Variants in CSMD1 observed in about 807,000 individuals in gnomAD.
The protein encoded by CSMD1 is CUB and sushi domain-containing protein 1.
A neutral mutation model predicts 417.5 loss-of-function variants in CSMD1; 213 were observed. The observed-to-expected ratio is 0.51, with a 90% confidence interval of 0.46 to 0.57. CSMD1 has a LOEUF of 0.57. Ranked by LOEUF, CSMD1 falls within the 20% of genes least tolerant of loss-of-function variation. The pLI is 0.00. For synonymous variants in CSMD1, 2,862 were observed against 1,736.8 expected (o/e 1.65, Z -16.11); for missense variants, 6,923 against 4,529.7 (o/e 1.53, Z -15.17).
At chr8:4,780,899 T>TCATTCC (rs1797120630) in intron 1 of CSMD1, among the ~76,000 whole-genome samples, 1 of 152,224 alleles carries the variant, frequency 6.6e-6, no homozygotes, top group Non-Finnish European at 1.5e-5. Context: ...CGCTGTTCAT[T>TCATTCC]CATTCCTTAT....
intron 1 of CSMD1, among the ~76,000 whole-genome samples, chr8:4,696,318 C>T (rs1807131262): frequency 6.6e-6 from 1 of 152,160 alleles, no homozygotes. Context: ...GTAGCAATAA[C>T]TTTCAAAGAC....
intron 2 of CSMD1, among the ~76,000 whole-genome samples, chr8:4,428,375 C>G (rs1400923891): frequency 4.6e-5 from 7 of 152,150 alleles, no homozygotes. Context: ...TTCTAGGTAG[C>G]TTGTTATCTT....
intron 15 of CSMD1, among the ~76,000 whole-genome samples, chr8:3,404,714 C>A (rs989791969): frequency 6.6e-6 from 1 of 151,986 alleles, no homozygotes; most frequent in Non-Finnish European, 1.5e-5. Flanking sequence ...TGGTGTGTAG[C>A]CTTTTTTTAG....
chr8:4,043,918 C>A (rs1798019004), intron 3 of CSMD1, among the ~76,000 whole-genome samples: 1 of 152,042 alleles, frequency 6.6e-6, no homozygotes, highest in African/African-American at 2.4e-5. Flanking sequence ...TCTGTATAGA[C>A]CTATGATATT....
At chr8:4,051,879 T>TTCCTTCCTTCCTTCCTTC (rs1563058796) in intron 3 of CSMD1, among the ~76,000 whole-genome samples, 1 of 61,872 alleles carries the variant, frequency 1.6e-5, no homozygotes, top group African/African-American at 4.5e-5. Context: ...CTTCCTCCTT[T>TTCCTTCCTTCCTTCCTTC]CTTCCTTCCT....
intron 36 of CSMD1, among the ~76,000 whole-genome samples, chr8:3,184,736 T>C (rs952789371): frequency 2.5e-4 from 38 of 152,228 alleles, no homozygotes; most frequent in Non-Finnish European, 5.9e-5. Flanking sequence ...ATTTAATCTT[T>C]ACCATGGCTG....
At chr8:4,246,507 T>A (rs1358936166) in intron 3 of CSMD1, among the ~76,000 whole-genome samples, 2 of 152,192 alleles carry the variant, frequency 1.3e-5, no homozygotes, top group East Asian at 3.9e-4. Context: ...AAGAAAATTG[T>A]AAGACCCTTG....
At chr8:2,994,763 T>G (rs2128950832) in intron 54 of CSMD1, among the ~76,000 whole-genome samples, 1 of 152,330 alleles carries the variant, frequency 6.6e-6, no homozygotes, top group South Asian at 2.1e-4. Flanking sequence ...TTTTAATTTT[T>G]TTATTTTGGG....
At chr8:4,008,723 G>A (rs1277889544) in intron 4 of CSMD1, among the ~76,000 whole-genome samples, 1 of 142,772 alleles carries the variant, frequency 7.0e-6, no homozygotes, top group Non-Finnish European at 1.5e-5. Context: ...TCATTCTCCT[G>A]CCTCAGCCTC....
chr8:4,346,910 A>G lies in CSMD1; in HGVS notation c.415+73043T>C, dbSNP rs117487310. The stretch of plus-strand genomic sequence containing the variant: ...GATTGTAAAACCTGGCTGGACCTCA[A>G]TCTTTTCCTCAAATACTAATTTGAA... On this transcript the variant is annotated intron_variant, in intron 3 of 69. Transcript: ENST00000635120. Among the ~76,000 whole-genome samples the G allele has an allele frequency of 1.6e-3, 249 of 152,272 alleles. 3 individuals carry two copies. The East Asian group carries it at 0.042, about 25-fold the overall frequency.
intron 5 of CSMD1, among the ~76,000 whole-genome samples, chr8:3,962,417 C>T (rs1209528085): frequency 6.6e-6 from 1 of 152,184 alleles, no homozygotes; most frequent in East Asian, 1.9e-4. Context: ...TCAAGGTCTA[C>T]CACCCTCACC....
chr8:4,592,451 A>T (rs1585300722), intron 2 of CSMD1, among the ~76,000 whole-genome samples: 1 of 151,806 alleles, frequency 6.6e-6, no homozygotes, highest in South Asian at 2.1e-4. Context: ...CAGTGGCATG[A>T]CCTTGACTCA....
At chr8:3,105,355 A>G (rs999744563) in intron 46 of CSMD1, among the ~76,000 whole-genome samples, 10 of 152,354 alleles carry the variant, frequency 6.6e-5, no homozygotes, top group Non-Finnish European at 1.5e-4. Context: ...AAGAGCCACA[A>G]TGCTCAAAAG....
At chr8:4,913,551 G>T (rs1805845532) in intron 1 of CSMD1, among the ~76,000 whole-genome samples, 1 of 152,118 alleles carries the variant, frequency 6.6e-6, no homozygotes. Flanking sequence ...CTCTACAGGG[G>T]AACGCCACCA....
chr8:4,797,120 T>A (rs894446126), intron 1 of CSMD1, among the ~76,000 whole-genome samples: 1 of 152,162 alleles, frequency 6.6e-6, no homozygotes, highest in Non-Finnish European at 1.5e-5. Flanking sequence ...ACAGATGTGA[T>A]TGCAGAGGCC....
intron 2 of CSMD1, among the ~76,000 whole-genome samples, chr8:4,447,124 G>A (rs761695293): frequency 2.0e-5 from 3 of 152,048 alleles, no homozygotes; most frequent in Non-Finnish European, 4.4e-5. Flanking sequence ...ATGTACATTT[G>A]CAAATAGAAT....
chr8:3,567,504 A>T (rs1459548621), intron 10 of CSMD1, among the ~76,000 whole-genome samples: 1 of 129,882 alleles, frequency 7.7e-6, no homozygotes, highest in African/African-American at 2.9e-5. Flanking sequence ...AAAGGAAGGA[A>T]GGGAGGGGAG....
At position 3,954,867 on chromosome 8, in the gene CSMD1, T is replaced by C. The variant is rs190566432; in HGVS notation, c.818+43036A>G. On this transcript the variant is annotated intron_variant, in intron 5 of 69. Transcript: ENST00000635120. Reference sequence around the variant, plus strand: ...TTACATGCATGTGCATTGGAGTCTTTCTTCCTTATTCTGGTGGAGGGTACG... The same window carrying C: ...TTACATGCATGTGCATTGGAGTCTTCCTTCCTTATTCTGGTGGAGGGTACG... 3.3e-5 allele frequency among the ~76,000 whole-genome samples: 5 copies of C among 152,328 alleles called. No homozygotes were observed. The East Asian group carries it at 9.7e-4, about 29-fold the overall frequency.
chr8:4,353,959 T>C lies in CSMD1; in HGVS notation c.415+65994A>G, dbSNP rs181677559. Among the ~76,000 whole-genome samples the C allele has an allele frequency of 2.2e-4, 33 of 152,284 alleles. No homozygotes were observed. The East Asian group carries it at 6.4e-3, about 29-fold the overall frequency. On this transcript the variant is annotated intron_variant, in intron 3 of 69. Transcript: ENST00000635120. Reference sequence around the variant, plus strand: ...ATATTAGGGAACTTCATCAGCCCTCTATGATGATATATTGTTTCACTTTTT... The same window carrying C: ...ATATTAGGGAACTTCATCAGCCCTCCATGATGATATATTGTTTCACTTTTT...
Sources: allele counts gnomAD v4.1 joint callset (sites outside exome capture counted in the v4.1 genomes callset), GRCh38; gene constraint gnomAD v4.1.1; transcripts MANE v1.5; gene names NCBI Gene and HGNC (gene_info 2026-07-23, HGNC 2026-07-21).